Variants in LSG1 observed in about 807,000 individuals in gnomAD.
LSG1 encodes large 60S subunit nuclear export GTPase 1.
A neutral mutation model predicts 82.6 loss-of-function variants in LSG1; 55 were observed. The observed-to-expected ratio is 0.67, with a 90% CI of 0.54 to 0.83. The LOEUF (loss-of-function observed/expected upper bound fraction) is 0.83, where lower values mean the gene tolerates loss of function less well. Among genes scored for constraint, LSG1 ranks in the 40% least tolerant of loss-of-function variants. LSG1 has a pLI of 0.00. For synonymous variants in LSG1, 272 were observed against 282.5 expected (o/e 0.96, Z 0.37); for missense variants, 809 against 807.9 (o/e 1.00, Z -0.02).
intron 1 of LSG1, 113 bp downstream of exon 1, chr3:194,671,948 CCTT>C: frequency 1.1e-6 from 1 of 905,342 alleles, no homozygotes; most frequent in South Asian, 1.4e-5. Context: ...TCCAACTCAT[CCTT>C]CAAAACCCGG....
At chr3:194,651,248 A>C (rs777675048) in intron 8 of LSG1, 32 bp from the exon 9 acceptor site, 1 of 1,418,458 alleles carries the variant, frequency 7.0e-7, no homozygotes, top group Non-Finnish European at 1.0e-6. Flanking sequence ...CCAAACAGTA[A>C]AACAGTACAT....
intron 11 of LSG1, among the ~76,000 whole-genome samples, chr3:194,647,102 C>T (rs1419339089): frequency 1.3e-5 from 2 of 151,940 alleles, no homozygotes; most frequent in African/African-American, 4.8e-5. Flanking sequence ...AGTTAGAATC[C>T]TAATTTACAC....
chr3:194,660,978 C>T (rs994015295), intron 5 of LSG1: 22 of 448,750 alleles, frequency 4.9e-5, no homozygotes, highest in African/African-American at 1.8e-4. Flanking sequence ...CCGTGACTGC[C>T]GCTGGGAGGA....
rs1718505418 is a variant in LSG1, at chr3:194,645,511, C to CACACACACACACACACAG, written c.1623+652_1623+653insCTGTGTGTGTGTGTGTGT. On this transcript the variant is annotated intron_variant, in intron 12 of 13. Transcript: ENST00000265245. ...GCTTAGTGCTACACACACACACACACACACACACACACACACACAGACAGA... is the reference window on the plus strand; with the variant it reads ...GCTTAGTGCTACACACACACACACACACACACACACACACACAGACACACACACACACACACAGACAGA... The CACACACACACACACACAG allele has an allele frequency of 1.4e-4, 6 of 43,230 alleles. No homozygotes were observed. In the South Asian group the frequency reaches 3.6e-3, roughly 26 times the overall value. 2.7% of individuals were successfully genotyped at this position (43,230 alleles called of 1,614,324 possible).
At position 194,641,469 on chromosome 3, in the gene LSG1, A is replaced by T. The variant is rs1298218438; in HGVS notation, c.*599T>A. 3.3e-5 allele frequency: 5 copies of T among 152,218 alleles called. No homozygotes were observed. The East Asian group carries it at 9.6e-4, about 29-fold the overall frequency. 9.4% of individuals were successfully genotyped at this position (152,218 alleles called of 1,614,324 possible). A position where few individuals can be genotyped will look rare whatever the true frequency, so the allele number is the denominator to read the frequency against. On this transcript the variant is annotated 3_prime_UTR_variant, in exon 14 of 14. Coordinates refer to ENST00000265245, the MANE Select transcript of LSG1 (RefSeq NM_018385.3). ...CCCTGTCACCCGGTGGTTACATTCTACATGTTCCTTAGTGGACGTGAGCCC... is the reference window on the plus strand; with the variant it reads ...CCCTGTCACCCGGTGGTTACATTCTTCATGTTCCTTAGTGGACGTGAGCCC...
intron 5 of LSG1, among the ~76,000 whole-genome samples, chr3:194,664,988 ATCAACCACTCCTTCCT>A (rs1719003634): frequency 6.6e-6 from 1 of 152,164 alleles, no homozygotes; most frequent in Non-Finnish European, 1.5e-5. Flanking sequence ...CTCAATACTT[ATCAACCACTCCTTCCT>A]CTGCTATGAC....
rs1276147387 is a variant in LSG1, at chr3:194,645,525, C to CAG, written c.1623+638_1623+639insCT. The CAG allele has an allele frequency of 3.4e-3, 137 of 40,700 alleles. 13 individuals carry two copies. Among genetic ancestry groups the CAG allele is most frequent in the African/African-American group, 9.7e-3 (118 of 12,124 alleles). The allele number at this position is 40,700 out of a possible 1,614,324, so 2.5% of individuals were successfully genotyped here. A position where few individuals can be genotyped will look rare whatever the true frequency, so the allele number is the denominator to read the frequency against. ...ACACACACACACACACACACACACACACACAGACAGACACACACACACACA... is the reference window on the plus strand; with the variant it reads ...ACACACACACACACACACACACACACAGACACAGACAGACACACACACACACA... On this transcript the variant is annotated intron_variant, in intron 12 of 13. Coordinates refer to ENST00000265245, the MANE Select transcript of LSG1 (RefSeq NM_018385.3).
chr3:194,642,192 C>T lies in LSG1; in HGVS notation c.1853G>A (p.Gly618Glu), dbSNP rs1185527436. 1 of 1,614,144 alleles carries T rather than the reference C, an allele frequency of 6.2e-7. No homozygotes were observed. Residue 618 changes from glycine (G) to glutamate (E), a missense_variant, in exon 14 of 14, where the codon GGG becomes GAG. Physicochemically the swap from Gly to Glu is moderately conservative, Grantham distance 98 (BLOSUM62 -2). Coordinates refer to ENST00000265245, the MANE Select transcript of LSG1 (RefSeq NM_018385.3). ...AGTGGATGCAGTCACTACACCACTCCCGGGCTTGTAACCCATCACAGCCTG... is the reference window on the plus strand; with the variant it reads ...AGTGGATGCAGTCACTACACCACTCTCGGGCTTGTAACCCATCACAGCCTG... ...GVQAVMGYKP[G>E]SGVVTASTAS...
intron 2 of LSG1, among the ~76,000 whole-genome samples, chr3:194,667,942 A>AAAAAATAT (rs1416407494): frequency 1.2e-5 from 1 of 86,954 alleles, no homozygotes; most frequent in Non-Finnish European, 2.0e-5. Flanking sequence ...AAAAAAAAAA[A>AAAAAATAT]ATATATATAT....
chr3:194,672,020 A>C, intron 1 of LSG1, 44 bp downstream of exon 1: 1 of 1,567,890 alleles, frequency 6.4e-7, no homozygotes, highest in South Asian at 1.1e-5. Context: ...TGCAGCACTC[A>C]GGCTAGACAG....
At chr3:194,668,541 T>C (rs1224530280) in intron 2 of LSG1, among the ~76,000 whole-genome samples, 1 of 152,196 alleles carries the variant, frequency 6.6e-6, no homozygotes, top group Non-Finnish European at 1.5e-5. Context: ...TCACTTACAC[T>C]ACCCTCTCCA....
Position 194,641,778 on chromosome 3 carries a change from T to C in LSG1, c.*290A>G, listed in dbSNP as rs562369872. 3.4e-4 allele frequency: 81 copies of C among 238,594 alleles called. No individual in the cohort carries two copies. Among genetic ancestry groups the C allele is most frequent in the African/African-American group, 1.6e-3 (71 of 44,262 alleles). The allele number at this position is 238,594 out of a possible 1,614,324, so 14.8% of individuals were successfully genotyped here. On this transcript the variant is annotated 3_prime_UTR_variant, in exon 14 of 14. Transcript: ENST00000265245. Reference sequence around the variant, plus strand: ...ACAGGTGCGCGCCACCACGCCTGGCTAATTTTTTTGTATTTTTAGTAGAGA... The same window carrying C: ...ACAGGTGCGCGCCACCACGCCTGGCCAATTTTTTTGTATTTTTAGTAGAGA...
intron 2 of LSG1, among the ~76,000 whole-genome samples, chr3:194,668,504 A>G (rs536084507): frequency 2.6e-5 from 4 of 152,174 alleles, no homozygotes; most frequent in African/African-American, 9.6e-5. Flanking sequence ...GAAACCCAGG[A>G]GTTTATTTTT....
In LSG1 at chr3:194,646,259, A is replaced by C. The variant is rs1443746102; in HGVS notation, c.1544-16T>G. The C allele has an allele frequency of 6.2e-7, 1 of 1,611,470 alleles. No individual in the cohort carries two copies. Among genetic ancestry groups the C allele is most frequent in the South Asian group, 1.1e-5 (1 of 90,962 alleles). On this transcript the variant is annotated splice_polypyrimidine_tract_variant and intron_variant, in intron 11 of 13. Coordinates refer to ENST00000265245, the MANE Select transcript of LSG1 (RefSeq NM_018385.3). ...CCTCGCATGTCTGTGGAGAGAAAAG[A>C]ATTTTGCAAAATCTTAGATGACAGA...
rs1719014540 is a variant in LSG1, at chr3:194,665,541, G to GA, written c.521+15dup. 6.3e-7 allele frequency: 1 copy of GA among 1,594,432 alleles called. No homozygotes were observed. The highest frequency in any genetic ancestry group is 2.2e-5 in the East Asian group (1 of 44,732). On this transcript the variant is annotated intron_variant, in intron 5 of 13. Transcript: ENST00000265245. ...ACTACAATGTCTTTATTACACAAAA[G>GA]AAAATGATAATTCACCTTCTCTCAA...
chr3:194,646,870 C>T (rs998056543), intron 11 of LSG1, among the ~76,000 whole-genome samples: 2 of 152,228 alleles, frequency 1.3e-5, no homozygotes, highest in Admixed American at 1.3e-4. Context: ...GAGAATGCTA[C>T]GCTATCAATA....
At chr3:194,648,350 C>T (rs1166521592) in intron 11 of LSG1, among the ~76,000 whole-genome samples, 3 of 152,068 alleles carry the variant, frequency 2.0e-5, no homozygotes, top group Non-Finnish European at 2.9e-5. Context: ...TCTCCTGCCT[C>T]GCTGTGGCGT....
intron 7 of LSG1, among the ~76,000 whole-genome samples, chr3:194,657,912 T>A (rs1478490612): frequency 6.6e-6 from 1 of 152,106 alleles, no homozygotes; most frequent in African/African-American, 2.4e-5. Flanking sequence ...AAGAGAAATA[T>A]GCAACTTTGA....
At chr3:194,643,462 T>C (rs1718440364) in intron 13 of LSG1, among the ~76,000 whole-genome samples, 1 of 152,206 alleles carries the variant, frequency 6.6e-6, no homozygotes, top group Non-Finnish European at 1.5e-5. Flanking sequence ...TCAGCATCAC[T>C]AGTAATTAGG....
Sources: gnomAD v4.1 joint callset for allele counts (sites outside exome capture counted in the v4.1 genomes callset) on GRCh38, gnomAD v4.1.1 for gene constraint, MANE v1.5 for transcripts, NCBI Gene and HGNC (gene_info 2026-07-23, HGNC 2026-07-21) for gene names.